PDE4D: variants seen among roughly 807,000 people sequenced by gnomAD.
PDE4D encodes 3',5'-cyclic-AMP phosphodiesterase 4D.
Under a neutral mutation model 87.4 loss-of-function variants are expected in PDE4D, and 24 were observed. The observed-to-expected ratio is 0.27, with a 90% CI of 0.20 to 0.39. The LOEUF (loss-of-function observed/expected upper bound fraction) is 0.39, where lower values mean the gene tolerates loss of function less well. Ranked by LOEUF, PDE4D falls within the 10% of genes least tolerant of loss-of-function variation. The pLI is 1.00. For synonymous variants in PDE4D, 384 were observed against 383.2 expected, an observed-to-expected ratio of 1.00 and a Z score of -0.02; for missense variants, 714 against 1,041.0, an observed-to-expected ratio of 0.69 and a Z score of 4.32.
intron 1 of PDE4D, among the ~76,000 whole-genome samples, chr5:59,879,720 CTA>C (rs1180517012): frequency 1.3e-5 from 2 of 152,144 alleles, no homozygotes; most frequent in South Asian, 2.1e-4. Flanking sequence ...GCCAACACTG[CTA>C]TATGTTATTG....
chr5:59,644,130 A>G (rs1263586643), intron 1 of PDE4D, among the ~76,000 whole-genome samples: 1 of 152,226 alleles, frequency 6.6e-6, no homozygotes, highest in African/African-American at 2.4e-5. Context: ...CATATTCTAC[A>G]GGGCAGGCCT....
At chr5:59,529,614 T>C (rs1414554615) in intron 1 of PDE4D, among the ~76,000 whole-genome samples, 4 of 152,224 alleles carry the variant, frequency 2.6e-5, no homozygotes, top group Non-Finnish European at 5.9e-5. Context: ...GTTTGTTTCC[T>C]TCCCAATTTA....
At chr5:59,505,169 T>A (rs184409993) in intron 1 of PDE4D, among the ~76,000 whole-genome samples, 1 of 152,118 alleles carries the variant, frequency 6.6e-6, no homozygotes, top group African/African-American at 2.4e-5. Flanking sequence ...AGGTTATGCA[T>A]AGAAGCTAAC....
intron 1 of PDE4D, among the ~76,000 whole-genome samples, chr5:59,412,329 G>A (rs1281575992): frequency 3.9e-5 from 6 of 152,064 alleles, no homozygotes. Flanking sequence ...TTTCATTTCA[G>A]GAAATCTAAC....
rs188942851 is a variant in PDE4D at position 60,308,582 on chromosome 5, C to T, written c.-89-122895G>A. Reference sequence around the variant, plus strand: ...GTAAAAAGTAGAGCCAGAAACCCCACGAAGGCTTGTGTTTCTAAATGTTGC... The same window carrying T: ...GTAAAAAGTAGAGCCAGAAACCCCATGAAGGCTTGTGTTTCTAAATGTTGC... On this transcript the variant is annotated intron_variant, in intron 1 of 16. Transcript: ENST00000502484. Among the ~76,000 whole-genome samples the T allele has an allele frequency of 9.8e-4, 149 of 152,270 alleles. 1 individual carries two copies. The highest frequency in any genetic ancestry group is 1.7e-3 in the Non-Finnish European group (113 of 68,022).
chr5:60,513,772 C>A (rs2150258292), intron 1 of PDE4D, among the ~76,000 whole-genome samples: 1 of 151,862 alleles, frequency 6.6e-6, no homozygotes, highest in East Asian at 1.9e-4. Flanking sequence ...ACATTTTGAA[C>A]TGAATAAAAG....
rs192312225 is a variant in PDE4D, at chr5:59,794,511, G to A, written c.455+98657C>T. The stretch of plus-strand genomic sequence containing the variant: ...CTCCCTCCCTCCTGCTTGCAGGTCC[G>A]CTTTCAGAGCCTTCCCTCAGGGCTT... On this transcript the variant is annotated intron_variant, in intron 1 of 14. Coordinates refer to ENST00000340635, the MANE Select transcript of PDE4D (RefSeq NM_001104631.2). Among the ~76,000 whole-genome samples the A allele has an allele frequency of 1.8e-3, 273 of 152,008 alleles. 2 individuals are homozygous for A. The highest frequency in any genetic ancestry group is 3.2e-3 in the Admixed American group (49 of 15,266).
intron 2 of PDE4D, among the ~76,000 whole-genome samples, chr5:60,050,420 A>C (rs776046214): frequency 1.4e-4 from 22 of 152,338 alleles, no homozygotes; most frequent in East Asian, 9.6e-4. Context: ...CCAGAATTTC[A>C]TATCCAGCCA....
chr5:60,055,428 A>G (rs1227389815), intron 2 of PDE4D, among the ~76,000 whole-genome samples: 1 of 152,108 alleles, frequency 6.6e-6, no homozygotes, highest in African/African-American at 2.4e-5. Flanking sequence ...TAAGTAAGTT[A>G]TAAAATTTGT....
At chr5:59,576,175 T>C (rs1272917445) in intron 1 of PDE4D, among the ~76,000 whole-genome samples, 1 of 152,138 alleles carries the variant, frequency 6.6e-6, no homozygotes, top group Non-Finnish European at 1.5e-5. Context: ...GGTTTTCTCA[T>C]TTAATCTTCA....
intron 1 of PDE4D, among the ~76,000 whole-genome samples, chr5:60,511,190 G>A (rs768176718): frequency 1.3e-5 from 2 of 151,916 alleles, no homozygotes; most frequent in African/African-American, 4.8e-5. Flanking sequence ...CACTGGTCTC[G>A]AACTCCTGAC....
chr5:59,655,652 GT>G (rs1031105936), intron 1 of PDE4D, among the ~76,000 whole-genome samples: 2 of 152,074 alleles, frequency 1.3e-5, no homozygotes, highest in Non-Finnish European at 2.9e-5. Context: ...AGAAGCCATG[GT>G]TTTTAGCTTC....
chr5:59,748,744 G>A lies in PDE4D; in HGVS notation c.455+144424C>T, dbSNP rs532011544. Reference sequence around the variant, plus strand: ...GGTGCAGCACACCAACATGGCACATGTATACATATGTAACAAACCTGCACG... The same window carrying A: ...GGTGCAGCACACCAACATGGCACATATATACATATGTAACAAACCTGCACG... On this transcript the variant is annotated intron_variant, in intron 1 of 14. Transcript: ENST00000340635. 4.6e-5 allele frequency among the ~76,000 whole-genome samples: 7 copies of A among 152,200 alleles called. No individual in the cohort carries two copies. In the East Asian group the frequency reaches 1.4e-3, roughly 29 times the overall value.
Position 58,990,858 on chromosome 5 carries a change from T to C in PDE4D, c.1233A>G (p.Ile411Met), listed in dbSNP as rs777941503. The stretch of plus-strand genomic sequence containing the variant: ...AGGGCCGGTTACCAGACAACTCTGC[T>C]ATTCTGAAAACATGAAGACCCCATT... ...VNKWGLHVFRIAELSGNRPLT... is the reference protein window; with the variant it reads ...VNKWGLHVFRMAELSGNRPLT... The change falls in exon 9 of 15, where the codon ATA becomes ATG. Residue 411 changes from isoleucine (I) to methionine (M), a missense_variant. By Grantham distance (10) the Ile-to-Met change is conservative. Around this residue, in one of 7 missense-constraint regions of PDE4D, gnomAD observed 141 missense variants for 204.3 expected, o/e 0.69. Coordinates refer to ENST00000340635, the MANE Select transcript of PDE4D (RefSeq NM_001104631.2). 1.2e-6 allele frequency: 2 copies of C among 1,606,132 alleles called. No homozygotes were observed. The highest frequency in any genetic ancestry group is 1.7e-6 in the Non-Finnish European group (2 of 1,175,990).
intron 1 of PDE4D, among the ~76,000 whole-genome samples, chr5:59,469,932 C>T (rs1044357182): frequency 6.6e-6 from 1 of 152,108 alleles, no homozygotes; most frequent in African/African-American, 2.4e-5. Flanking sequence ...CACAAAAAGG[C>T]ATTGTGCTTC....
intron 2 of PDE4D, among the ~76,000 whole-genome samples, chr5:60,072,065 T>C (rs1772783773): frequency 6.6e-6 from 1 of 152,192 alleles, no homozygotes; most frequent in Non-Finnish European, 1.5e-5. Flanking sequence ...TGAAAGGTAG[T>C]TCTGTTTTTA....
chr5:59,532,993 G>A (rs185855949), intron 1 of PDE4D, among the ~76,000 whole-genome samples: 5 of 152,284 alleles, frequency 3.3e-5, no homozygotes, highest in African/African-American at 1.2e-4. Flanking sequence ...TCAGCTACAT[G>A]TTATTAAAAC....
rs1785359529 is a variant in PDE4D, at chr5:60,193,486, A to C, written c.-89-7799T>G. On this transcript the variant is annotated intron_variant, in intron 1 of 16. Transcript: ENST00000502484. Reference sequence around the variant, plus strand: ...GAGATCGAGACCATCCTGGCTAACAAGATGAAACCCCGTCTCTACTAAAAA... The same window carrying C: ...GAGATCGAGACCATCCTGGCTAACACGATGAAACCCCGTCTCTACTAAAAA... 2.6e-5 allele frequency among the ~76,000 whole-genome samples: 4 copies of C among 151,850 alleles called. No individual in the cohort carries two copies. The South Asian group carries it at 8.3e-4, about 32-fold the overall frequency.
intron 1 of PDE4D, among the ~76,000 whole-genome samples, chr5:59,355,689 C>A (rs1183713883): frequency 6.6e-6 from 1 of 151,942 alleles, no homozygotes; most frequent in Non-Finnish European, 1.5e-5. Flanking sequence ...ATTATATTTA[C>A]CTCTTGCCAA....
Sources: gnomAD v4.1 joint callset for allele counts (sites outside exome capture counted in the v4.1 genomes callset) on GRCh38, gnomAD v4.1.1 for gene constraint, gnomAD v4.1.1 regional missense constraint, MANE v1.5 for transcripts, NCBI Gene and HGNC (gene_info 2026-07-23, HGNC 2026-07-21) for gene names.